Variants in NXPE4 observed in about 807,000 individuals in gnomAD.
The protein encoded by NXPE4 is NXPE family member 4.
A neutral mutation model predicts 33.3 loss-of-function variants in NXPE4; 42 were observed. That is an observed-to-expected ratio of 1.26 (90% CI 0.98 to 1.63). The LOEUF (loss-of-function observed/expected upper bound fraction) is 1.63. Ranked by LOEUF, NXPE4 falls within the 40% of genes most tolerant of loss-of-function variation. The pLI, the probability that NXPE4 is intolerant of heterozygous loss-of-function variation, is 0.00. For synonymous variants in NXPE4, 253 were observed against 234.9 expected (o/e 1.08, Z -0.71); for missense variants, 709 against 647.6 (o/e 1.09, Z -1.03).
chr11:114,631,163 C>T, the NXPE4 span, among the ~76,000 whole-genome samples: 274 of 152,066 alleles, frequency 1.8e-3, 2 homozygotes, highest in South Asian at 0.011. Flanking sequence ...CCCAGCCATC[C>T]CATTACTGGG....
At chr11:114,625,861 G>A in the NXPE4 span, among the ~76,000 whole-genome samples, 45 of 152,210 alleles carry the variant, frequency 3.0e-4, no homozygotes, top group South Asian at 6.2e-4. Context: ...TGCCTCACTC[G>A]GGAAGCGCAA....
the NXPE4 span, among the ~76,000 whole-genome samples, chr11:114,655,380 T>C: frequency 2.0e-5 from 3 of 152,248 alleles, no homozygotes; most frequent in Non-Finnish European, 4.4e-5. Context: ...TTTGGTGTTT[T>C]AGTCATGAAG....
At chr11:114,581,632 A>G in intron 4 of NXPE4, 93 bp downstream of exon 4, 2 of 997,442 alleles carry the variant, frequency 2.0e-6, no homozygotes, top group Non-Finnish European at 3.1e-6. Flanking sequence ...GAGTGCTGAT[A>G]GGACTGAAAC....
the NXPE4 span, among the ~76,000 whole-genome samples, chr11:114,618,974 A>T: frequency 6.6e-6 from 1 of 152,014 alleles, no homozygotes; most frequent in Admixed American, 6.6e-5. Context: ...AAACACTGTT[A>T]TCTGGTGGAT....
the NXPE4 span, among the ~76,000 whole-genome samples, chr11:114,673,664 C>G: frequency 6.6e-6 from 1 of 151,714 alleles, no homozygotes; most frequent in Non-Finnish European, 1.5e-5. Flanking sequence ...AAAATAGAAT[C>G]TCAGGACCCC....
intron 2 of NXPE4, chr11:114,584,780 C>T: frequency 6.6e-6 from 1 of 152,460 alleles, no homozygotes. Context: ...TCTATTTCTC[C>T]AGGTATTCAT....
chr11:114,626,657 A>G, the NXPE4 span, among the ~76,000 whole-genome samples: 1 of 152,204 alleles, frequency 6.6e-6, no homozygotes, highest in African/African-American at 2.4e-5. Context: ...CAGCAACAGA[A>G]CAAAGCTGGA....
the NXPE4 span, among the ~76,000 whole-genome samples, chr11:114,611,696 C>T: frequency 1.7e-4 from 25 of 149,038 alleles, no homozygotes; most frequent in South Asian, 6.4e-4. Context: ...CACTGTTACC[C>T]GGTGGATAGT....
the NXPE4 span, among the ~76,000 whole-genome samples, chr11:114,647,043 C>G: frequency 6.6e-6 from 1 of 152,198 alleles, no homozygotes; most frequent in Admixed American, 6.5e-5. Flanking sequence ...TGGGTCTCAT[C>G]TCCTAAAGCA....
chr11:114,627,977 A>G, the NXPE4 span, among the ~76,000 whole-genome samples: 2,440 of 152,076 alleles, frequency 0.016, 20 homozygotes, highest in Middle Eastern at 0.038. Flanking sequence ...TAACTATCCT[A>G]AATATATATG....
At chr11:114,583,766 T>C (rs1949212706) in intron 2 of NXPE4, 2 of 470,852 alleles carry the variant, frequency 4.2e-6, no homozygotes, top group Non-Finnish European at 8.3e-6. Flanking sequence ...GAGGGTGTTG[T>C]ATGTTGACGT....
chr11:114,634,296 T>C, the NXPE4 span, among the ~76,000 whole-genome samples: 8 of 152,120 alleles, frequency 5.3e-5, no homozygotes, highest in Non-Finnish European at 8.8e-5. Flanking sequence ...CTTTGCCCAC[T>C]TTTTGATAGA....
the NXPE4 span, among the ~76,000 whole-genome samples, chr11:114,649,065 C>A: frequency 6.6e-6 from 1 of 151,812 alleles, no homozygotes; most frequent in Admixed American, 6.6e-5. Context: ...ATGGTTATAA[C>A]TGATATTTAT....
chr11:114,635,040 T>C, the NXPE4 span, among the ~76,000 whole-genome samples: 3 of 152,030 alleles, frequency 2.0e-5, no homozygotes, highest in Non-Finnish European at 2.9e-5. Context: ...ATTGAGTCTA[T>C]AAATTACCTT....
upstream of NXPE4, among the ~76,000 whole-genome samples, chr11:114,595,966 T>C (rs1313478446): frequency 1.3e-5 from 2 of 152,158 alleles, no homozygotes; most frequent in African/African-American, 4.8e-5. Flanking sequence ...AAAAAGAGTG[T>C]TTGATAAATA....
the NXPE4 span, among the ~76,000 whole-genome samples, chr11:114,623,587 G>A: frequency 6.6e-6 from 1 of 152,060 alleles, no homozygotes; most frequent in African/African-American, 2.4e-5. Context: ...GTTACCCTTG[G>A]AAAATAAGTG....
the NXPE4 span, among the ~76,000 whole-genome samples, chr11:114,657,736 A>G: frequency 4.6e-5 from 7 of 152,294 alleles, no homozygotes; most frequent in East Asian, 7.7e-4. Context: ...GCTTCCTTGT[A>G]CAAAGAAAAA....
At chr11:114,604,032 G>C in the NXPE4 span, among the ~76,000 whole-genome samples, 3 of 151,872 alleles carry the variant, frequency 2.0e-5, no homozygotes, top group African/African-American at 4.8e-5. Flanking sequence ...GTGGATAACA[G>C]TATTGCCTCA....
chr11:114,662,392 T>G, the NXPE4 span, among the ~76,000 whole-genome samples: 1 of 152,144 alleles, frequency 6.6e-6, no homozygotes, highest in Non-Finnish European at 1.5e-5. Flanking sequence ...TGTTGGAACT[T>G]GAGTTCCCAC....
Sources: gnomAD v4.1 joint callset for allele counts (sites outside exome capture counted in the v4.1 genomes callset) on GRCh38, gnomAD v4.1.1 for gene constraint, MANE v1.5 for transcripts, NCBI Gene and HGNC (gene_info 2026-07-23, HGNC 2026-07-21) for gene names.